The following DEPTOR variants were observed in gnomAD, a reference collection of about 807,000 sequenced individuals.
The protein encoded by DEPTOR is DEP domain containing MTOR interacting protein, also known as DEP domain-containing mTOR-interacting protein.
Under a neutral mutation model 41.6 loss-of-function variants are expected in DEPTOR, and 41 were observed. The ratio of observed to expected loss-of-function variants is 0.98; its 90% confidence interval spans 0.77 to 1.28. The LOEUF (loss-of-function observed/expected upper bound fraction) is 1.28. Ranked by LOEUF, DEPTOR falls within the 50% of genes most tolerant of loss-of-function variation. The pLI, the probability that DEPTOR is intolerant of heterozygous loss-of-function variation, is 0.00. For missense variants in DEPTOR, 514 were observed against 527.9 expected (o/e 0.97, Z 0.26); for synonymous variants, 195 against 192.3 (o/e 1.01, Z -0.12).
intron 1 of DEPTOR, among the ~76,000 whole-genome samples, chr8:119,918,466 A>G (rs1401624231): frequency 6.6e-6 from 1 of 151,422 alleles, no homozygotes; most frequent in Non-Finnish European, 1.5e-5. Flanking sequence ...TTATTTATTT[A>G]TTTATTTATT....
At chr8:119,879,569 G>A (rs1827272349) in intron 1 of DEPTOR, among the ~76,000 whole-genome samples, 1 of 151,512 alleles carries the variant, frequency 6.6e-6, no homozygotes, top group Non-Finnish European at 1.5e-5. Context: ...AAAATTATCT[G>A]TGCGTGGTGG....
rs1390367059 is a variant in DEPTOR at position 119,873,922 on chromosome 8, G to C, written c.76G>C (p.Glu26Gln). Residue 26 changes from glutamate (E) to glutamine (Q), a missense_variant, in exon 1 of 9, where the codon GAG becomes CAG. Physicochemically the swap from Glu to Gln is conservative, Grantham distance 29. Transcript: ENST00000286234. ...TSGSGGAQQR[E>Q]LERMAEVLVT... ...CGGGAGTGGCGGGGCGCAGCAAAGG[G>C]AGCTGGAGCGCATGGCTGAGGTCTT... The C allele has an allele frequency of 4.3e-6, 7 of 1,613,702 alleles. No homozygotes were observed. In the Admixed American group the frequency reaches 1.2e-4, roughly 27 times the overall value.
chr8:120,039,340 A>G (rs1282905157), intron 8 of DEPTOR, among the ~76,000 whole-genome samples: 1 of 152,194 alleles, frequency 6.6e-6, no homozygotes, highest in Non-Finnish European at 1.5e-5. Context: ...AGTTTATGGT[A>G]TTTGATGTTT....
chr8:119,901,018 ATTCT>A, intron 1 of DEPTOR, among the ~76,000 whole-genome samples: 1 of 152,128 alleles, frequency 6.6e-6, no homozygotes, highest in Non-Finnish European at 1.5e-5. Context: ...TTGAAATTTC[ATTCT>A]CCTCTTTCCT....
At chr8:120,037,514 G>A (rs1318102512) in intron 8 of DEPTOR, among the ~76,000 whole-genome samples, 2 of 152,182 alleles carry the variant, frequency 1.3e-5, no homozygotes, top group Admixed American at 1.3e-4. Flanking sequence ...TGGTGTGTGG[G>A]GGGAGCTTGC....
At chr8:120,031,408 T>C (rs1206781228) in intron 8 of DEPTOR, among the ~76,000 whole-genome samples, 1 of 152,130 alleles carries the variant, frequency 6.6e-6, no homozygotes, top group Non-Finnish European at 1.5e-5. Context: ...GAGGTTGCAG[T>C]GACCCAAGAT....
At position 120,003,078 on chromosome 8, in the gene DEPTOR, A is replaced by G. The variant is rs1178152606; in HGVS notation, c.892A>G (p.Ser298Gly). 2 of 1,613,180 alleles carry G rather than the reference A, an allele frequency of 1.2e-6. No individual in the cohort carries two copies. The highest frequency in any genetic ancestry group is 2.7e-5 in the African/African-American group (2 of 74,864). Residue 298 changes from serine to glycine, a missense_variant, in exon 6 of 9, where the codon AGC becomes GGC. Transcript: ENST00000286234. ...CTTCAGCAGCAGCCCCACCCTCAGC[A>G]GCAGCCCCCCTGTGCTCTGCAACCC... is the stretch of plus-strand genomic sequence containing the variant. ...GYFSSSPTLS[S>G]SPPVLCNPKS...
At chr8:119,938,336 A>C (rs2129883082) in intron 3 of DEPTOR, among the ~76,000 whole-genome samples, 1 of 152,332 alleles carries the variant, frequency 6.6e-6, no homozygotes, top group Non-Finnish European at 1.5e-5. Flanking sequence ...GTTAGTTTTA[A>C]AAGTTTTAAG....
chr8:119,982,680 A>G (rs1210811647), intron 4 of DEPTOR, among the ~76,000 whole-genome samples: 2 of 152,102 alleles, frequency 1.3e-5, no homozygotes, highest in Non-Finnish European at 2.9e-5. Context: ...GGCGCTGTCC[A>G]TCTCTCTCTC....
At chr8:119,882,066 T>G (rs1478919658) in intron 1 of DEPTOR, among the ~76,000 whole-genome samples, 1 of 152,110 alleles carries the variant, frequency 6.6e-6, no homozygotes, top group Non-Finnish European at 1.5e-5. Context: ...AATTTTTTAA[T>G]TTTTAGTAGA....
At chr8:119,885,937 C>T (rs1405430704) in intron 1 of DEPTOR, among the ~76,000 whole-genome samples, 1 of 151,950 alleles carries the variant, frequency 6.6e-6, no homozygotes, top group Non-Finnish European at 1.5e-5. Context: ...TCTCGGTGTA[C>T]TAACTAGTAT....
At chr8:119,969,823 T>C (rs1001135387) in intron 4 of DEPTOR, 3 of 152,194 alleles carry the variant, frequency 2.0e-5, no homozygotes, top group African/African-American at 7.2e-5. Context: ...ACCATACCTG[T>C]GTATGTTAGA....
intron 1 of DEPTOR, among the ~76,000 whole-genome samples, chr8:119,927,379 G>A (rs146561296): frequency 1.3e-3 from 201 of 152,024 alleles, no homozygotes; most frequent in African/African-American, 3.9e-3. Flanking sequence ...ACCCAGGTTA[G>A]GTGGCTTCAT....
intron 8 of DEPTOR, among the ~76,000 whole-genome samples, chr8:120,030,568 G>A (rs567898020): frequency 3.0e-5 from 4 of 133,662 alleles, no homozygotes; most frequent in African/African-American, 1.1e-4. Flanking sequence ...GTGCAGTGGT[G>A]TGATCTTGGT....
At chr8:119,921,748 G>GTTTTTTTTTTTTTTTTTT (rs1282897659) in intron 1 of DEPTOR, among the ~76,000 whole-genome samples, 2 of 131,134 alleles carry the variant, frequency 1.5e-5, no homozygotes, top group Non-Finnish European at 3.2e-5. Flanking sequence ...CTATTCTGTA[G>GTTTTTTTTTTTTTTTTTT]TTTTTTTTTT....
chr8:119,950,143 C>T (rs191815939), intron 3 of DEPTOR, among the ~76,000 whole-genome samples: 207 of 152,246 alleles, frequency 1.4e-3, no homozygotes, highest in African/African-American at 4.7e-3. Context: ...ACCCTTTCCT[C>T]GTTATATGGC....
intron 1 of DEPTOR, among the ~76,000 whole-genome samples, chr8:119,916,302 T>C (rs991034988): frequency 1.0e-5 from 1 of 95,934 alleles, no homozygotes; most frequent in Admixed American, 1.0e-4. Context: ...TTTTTTTTTT[T>C]AGAAATGGGG....
chr8:119,996,847 C>T (rs1391287863), intron 4 of DEPTOR, among the ~76,000 whole-genome samples: 1 of 152,168 alleles, frequency 6.6e-6, no homozygotes, highest in Non-Finnish European at 1.5e-5. Flanking sequence ...TTTTAAGATA[C>T]TGTTGCCAAA....
intron 8 of DEPTOR, among the ~76,000 whole-genome samples, chr8:120,036,621 T>C (rs1381694240): frequency 6.6e-6 from 1 of 152,198 alleles, no homozygotes; most frequent in Non-Finnish European, 1.5e-5. Context: ...ACATAACTTA[T>C]TTACTACAGC....
Sources: gnomAD v4.1 joint callset for allele counts (sites outside exome capture counted in the v4.1 genomes callset) on GRCh38, gnomAD v4.1.1 for gene constraint, MANE v1.5 for transcripts, NCBI Gene and HGNC (gene_info 2026-07-23, HGNC 2026-07-21) for gene names.